The following RREB1 variants were observed in gnomAD, a reference collection of about 807,000 sequenced individuals.
RREB1 encodes ras responsive element binding protein 1.
In RREB1, 27 loss-of-function variants were observed where a neutral mutation model predicts 117.8. That is an observed-to-expected ratio of 0.23 (90% CI 0.17 to 0.32). RREB1 has a LOEUF of 0.32. RREB1 is among the 10% of genes least tolerant of loss of function. The probability of loss-of-function intolerance (pLI) is 1.00; values close to 1 mark genes in which losing one functional copy is unlikely to be tolerated. For synonymous variants in RREB1, 1,298 were observed against 1,026.7 expected (o/e 1.26, Z -5.05); for missense variants, 2,577 against 2,378.2 (o/e 1.08, Z -1.74).
upstream of RREB1, chr6:7,107,856 C>A (rs1672639438): frequency 6.5e-6 from 1 of 153,120 alleles, no homozygotes. Context: ...GGCTGGGGCG[C>A]CGGGGTCGCC....
intron 11 of RREB1, among the ~76,000 whole-genome samples, chr6:7,242,154 G>A (rs1178330766): frequency 1.3e-5 from 2 of 152,198 alleles, no homozygotes; most frequent in Non-Finnish European, 2.9e-5. Flanking sequence ...GAGCCCTTGG[G>A]TTTCCATGTT....
rs116690954 is a variant in RREB1, at chr6:7,139,722, G to A, written c.-285+31662G>A. The stretch of plus-strand genomic sequence containing the variant: ...TGTAAAATCATTCAGGTATATTTGT[G>A]TTCAAAATTTTCCAAAAAGATTAGA... On this transcript the variant is annotated intron_variant, in intron 1 of 12. Transcript: ENST00000379938. Among the ~76,000 whole-genome samples, 559 of 152,216 alleles carry A rather than the reference G, an allele frequency of 3.7e-3. 2 individuals are homozygous for A. The highest frequency in any genetic ancestry group is 0.013 in the African/African-American group (538 of 41,510).
chr6:7,207,787 GCAGTAGTCCTCTT>G (rs1766360072), intron 6 of RREB1, among the ~76,000 whole-genome samples: 1 of 152,196 alleles, frequency 6.6e-6, no homozygotes, highest in Non-Finnish European at 1.5e-5. Context: ...TTACAGAAAC[GCAGTAGTCCTCTT>G]ACACTATTTG....
In RREB1 at chr6:7,251,772, A is replaced by G. The variant is rs1769421849; in HGVS notation, c.*2804A>G. The G allele has an allele frequency of 6.6e-6, 1 of 152,200 alleles. No homozygotes were observed. The highest frequency in any genetic ancestry group is 1.5e-5 in the Non-Finnish European group (1 of 68,038). 9.4% of individuals were successfully genotyped at this position (152,200 alleles called of 1,614,324 possible). On this transcript the variant is annotated 3_prime_UTR_variant, in exon 13 of 13. Transcript: ENST00000379938. ...AAACAATAATAAATTTGTAGAATTCATATTTTTCTAAAGGGAACTTAAAAA... is the reference window on the plus strand; with the variant it reads ...AAACAATAATAAATTTGTAGAATTCGTATTTTTCTAAAGGGAACTTAAAAA...
intron 6 of RREB1, among the ~76,000 whole-genome samples, chr6:7,207,474 A>C (rs1388115502): frequency 1.3e-5 from 2 of 152,334 alleles, no homozygotes; most frequent in East Asian, 3.9e-4. Flanking sequence ...GTGGTTTGAT[A>C]GCAGTAAATG....
intron 1 of RREB1, among the ~76,000 whole-genome samples, chr6:7,140,982 C>T (rs964909162): frequency 2.6e-5 from 4 of 152,202 alleles, no homozygotes; most frequent in Non-Finnish European, 4.4e-5. Flanking sequence ...GCCATTGTGC[C>T]TCGGGAACAC....
intron 1 of RREB1, among the ~76,000 whole-genome samples, chr6:7,153,105 GT>G (rs369606887): frequency 0.03 from 3,133 of 105,020 alleles, 40 homozygotes; most frequent in African/African-American, 0.068. Context: ...TTGTGAGAGG[GT>G]TTTTTTTTTT....
At chr6:7,145,097 A>C (rs1762800088) in intron 1 of RREB1, among the ~76,000 whole-genome samples, 1 of 152,188 alleles carries the variant, frequency 6.6e-6, no homozygotes. Flanking sequence ...TCTTTCCACT[A>C]CCTGAAGAAT....
intron 10 of RREB1, among the ~76,000 whole-genome samples, chr6:7,235,027 T>C (rs1238211116): frequency 2.0e-5 from 3 of 152,242 alleles, no homozygotes; most frequent in Non-Finnish European, 4.4e-5. Context: ...CAGAATGTTA[T>C]TAGCTAATTT....
In RREB1 at chr6:7,192,654, C is replaced by T. The variant is rs114467401; in HGVS notation, c.425+3332C>T. Among the ~76,000 whole-genome samples the T allele has an allele frequency of 4.7e-3, 715 of 152,274 alleles. 5 individuals are homozygous for T. Among genetic ancestry groups the T allele is most frequent in the Middle Eastern group, 0.024 (7 of 294 alleles). On this transcript the variant is annotated intron_variant, in intron 6 of 12. Transcript: ENST00000379938. Reference sequence around the variant, plus strand: ...TAGTAATAATTTCCTTTCTTTCACTCCTAACTATAATAATTTGAATCTTCT... The same window carrying T: ...TAGTAATAATTTCCTTTCTTTCACTTCTAACTATAATAATTTGAATCTTCT...
At chr6:7,157,478 G>T (rs1763430507) in intron 1 of RREB1, among the ~76,000 whole-genome samples, 1 of 151,794 alleles carries the variant, frequency 6.6e-6, no homozygotes, top group Non-Finnish European at 1.5e-5. Context: ...CATGTACCCT[G>T]TGTGACCATG....
At chr6:7,127,615 G>C (rs1384059928) in intron 1 of RREB1, among the ~76,000 whole-genome samples, 1 of 152,222 alleles carries the variant, frequency 6.6e-6, no homozygotes. Context: ...CTGGGACAAT[G>C]TATTCCTCGT....
intron 1 of RREB1, among the ~76,000 whole-genome samples, chr6:7,157,084 C>T (rs1379041788): frequency 1.3e-5 from 2 of 152,190 alleles, no homozygotes; most frequent in Non-Finnish European, 1.5e-5. Context: ...TTCTCTTCTT[C>T]TTACTCATAG....
At chr6:7,237,934 A>T (rs1581586804) in intron 10 of RREB1, among the ~76,000 whole-genome samples, 1 of 152,346 alleles carries the variant, frequency 6.6e-6, no homozygotes, top group Non-Finnish European at 1.5e-5. Flanking sequence ...GGACCTTCTC[A>T]TGGGGACGTC....
intron 1 of RREB1, among the ~76,000 whole-genome samples, chr6:7,144,679 T>A (rs964669702): frequency 3.3e-5 from 5 of 152,212 alleles, no homozygotes; most frequent in Admixed American, 3.3e-4. Context: ...TATTTTAATC[T>A]TTTTCTACTG....
intron 1 of RREB1, among the ~76,000 whole-genome samples, chr6:7,130,388 C>A (rs1043514095): frequency 9.9e-5 from 15 of 152,236 alleles, no homozygotes; most frequent in African/African-American, 3.6e-4. Context: ...TGGACGTCAC[C>A]CTGGGTGACT....
intron 2 of RREB1, among the ~76,000 whole-genome samples, chr6:7,180,247 CT>C (rs1057485610): frequency 2.6e-5 from 4 of 152,082 alleles, no homozygotes; most frequent in African/African-American, 7.2e-5. Flanking sequence ...CCCTTTTGCC[CT>C]TTTGGTAAGA....
rs568193582 is a variant in RREB1, at chr6:7,228,495, CTT to C, written c.898-477_898-476del. ...GTGTTAGCAAGCAGGAGAAGGTCAA[CTT>C]TTTTTTTTTTTTTTTTTTTTTTTTA... On this transcript the variant is annotated intron_variant, in intron 9 of 12. Coordinates refer to ENST00000379938, the MANE Select transcript of RREB1 (RefSeq NM_001003699.4). Among the ~76,000 whole-genome samples, 401 of 91,178 alleles carry C rather than the reference CTT, an allele frequency of 4.4e-3. 3 individuals are homozygous for C. The highest frequency in any genetic ancestry group is 0.017 in the African/African-American group (367 of 21,774). 59.8% of individuals were successfully genotyped at this position (91,178 alleles called of 152,430 possible). A position where few individuals can be genotyped will look rare whatever the true frequency, so the allele number is the denominator to read the frequency against.
chr6:7,160,842 A>G (rs1430332207), intron 1 of RREB1, among the ~76,000 whole-genome samples: 4 of 152,144 alleles, frequency 2.6e-5, no homozygotes, highest in African/African-American at 7.2e-5. Flanking sequence ...ACGCGCCACC[A>G]TGCCCAGCTA....
Sources: gnomAD v4.1 joint callset for allele counts (sites outside exome capture counted in the v4.1 genomes callset) on GRCh38, gnomAD v4.1.1 for gene constraint, MANE v1.5 for transcripts, NCBI Gene and HGNC (gene_info 2026-07-23, HGNC 2026-07-21) for gene names.